The following GRIN2B variants were observed in gnomAD, a reference collection of about 807,000 sequenced individuals.
The protein encoded by GRIN2B is glutamate receptor ionotropic, NMDA 2B.
Under a neutral mutation model 114.5 loss-of-function variants are expected in GRIN2B, and 5 were observed. The ratio of observed to expected loss-of-function variants is 0.04; its 90% CI spans 0.02 to 0.09. GRIN2B has a LOEUF of 0.09. Ranked by LOEUF, GRIN2B falls within the 10% of genes least tolerant of loss-of-function variation. The pLI is 1.00. For synonymous variants in GRIN2B, 787 were observed against 745.1 expected (o/e 1.06, Z -0.92); for missense variants, 1,108 against 1,943.5 (o/e 0.57, Z 8.08).
At chr12:13,914,648 T>C (rs1449723742) in intron 2 of GRIN2B, among the ~76,000 whole-genome samples, 3 of 152,166 alleles carry the variant, frequency 2.0e-5, no homozygotes, top group Non-Finnish European at 4.4e-5. Context: ...TGATTCACAA[T>C]AGTCAAAATC....
At position 13,847,757 on chromosome 12, in the gene GRIN2B, G is replaced by A. The variant is rs1353519798; in HGVS notation, c.411+18041C>T. On this transcript the variant is annotated intron_variant, in intron 3 of 13. Transcript: ENST00000609686. ...GCCAAGAGGGGAAGAAACAAAGAAG[G>A]ATGCATGCACAGGCAGGCTGAGATG... 5.3e-5 allele frequency among the ~76,000 whole-genome samples: 8 copies of A among 152,118 alleles called. No homozygotes were observed. In the East Asian group the frequency reaches 1.5e-3, roughly 29 times the overall value.
chr12:13,574,396 T>C (rs1216580701), intron 10 of GRIN2B, among the ~76,000 whole-genome samples: 1 of 152,262 alleles, frequency 6.6e-6, no homozygotes, highest in African/African-American at 2.4e-5. Flanking sequence ...TTTTAATCAG[T>C]AATTCCCCAC....
At position 13,564,568 on chromosome 12, in the gene GRIN2B, G is replaced by A; in HGVS notation, c.2670C>T (p.Thr890=). Residue 890 remains threonine (T), a synonymous_variant, in exon 14 of 14, where the codon ACC becomes ACT. Coordinates refer to ENST00000609686, the MANE Select transcript of GRIN2B (RefSeq NM_000834.5). This position sits in a 1 kb window ranked among gnomAD's most constrained non-coding sequence, Gnocchi z 4.8. ...RQSVMNSPTA[T]MNNTHSNILR... is the part of the protein sequence containing the mutation. ...GGATGTTGGAGTGTGTGTTGTTCAT[G>A]GTTGCGGTGGGGGAGTTCATTACAG... is the stretch of plus-strand genomic sequence containing the variant. The A allele has an allele frequency of 1.2e-6, 2 of 1,614,098 alleles. No homozygotes were observed. Among genetic ancestry groups the A allele is most frequent in the Non-Finnish European group, 1.7e-6 (2 of 1,179,992 alleles).
At chr12:13,891,570 A>C (rs1206172762) in intron 2 of GRIN2B, among the ~76,000 whole-genome samples, 2 of 152,172 alleles carry the variant, frequency 1.3e-5, no homozygotes, top group African/African-American at 4.8e-5. Context: ...AATAAGTCTA[A>C]ATTTAAATGT....
In GRIN2B at chr12:13,537,666, C is replaced by T. The variant is rs1948228970; in HGVS notation, c.*25117G>A. 1 of 152,232 alleles carries T rather than the reference C, an allele frequency of 6.6e-6. No homozygotes were observed. Among genetic ancestry groups the T allele is most frequent in the South Asian group, 2.1e-4 (1 of 4,832 alleles). The allele number at this position is 152,232 out of a possible 1,614,324, so 9.4% of individuals were successfully genotyped here. ...ACATACATAGTGGTTCACATTCTGGCTGTATATTAAAATCACCTGGGCAAG... is the reference window on the plus strand; with the variant it reads ...ACATACATAGTGGTTCACATTCTGGTTGTATATTAAAATCACCTGGGCAAG... On this transcript the variant is annotated 3_prime_UTR_variant, in exon 14 of 14. Coordinates refer to ENST00000609686, the MANE Select transcript of GRIN2B (RefSeq NM_000834.5).
At chr12:13,779,173 A>G (rs1864060192) in intron 3 of GRIN2B, among the ~76,000 whole-genome samples, 1 of 152,136 alleles carries the variant, frequency 6.6e-6, no homozygotes, top group African/African-American at 2.4e-5. Flanking sequence ...CCTCCCAAGT[A>G]GCTGGGATTA....
At chr12:13,594,833 T>C (rs567033495) in intron 10 of GRIN2B, among the ~76,000 whole-genome samples, 2 of 151,918 alleles carry the variant, frequency 1.3e-5, no homozygotes, top group Non-Finnish European at 2.9e-5. Flanking sequence ...CAACTGAGAG[T>C]TGAAGTTGCA....
chr12:13,903,371 T>A (rs1040067953), intron 2 of GRIN2B, among the ~76,000 whole-genome samples: 3 of 152,134 alleles, frequency 2.0e-5, no homozygotes, highest in African/African-American at 7.2e-5. Context: ...AGACCATAAA[T>A]TTCTGTCTAA....
At chr12:13,926,813 T>C (rs219875) in intron 2 of GRIN2B, among the ~76,000 whole-genome samples, 131,098 of 152,112 alleles carry the variant, frequency 0.86, 56,606 homozygotes, top group East Asian at 0.99. Context: ...ATTAGCCGGG[T>C]ATGGTGGCAG....
chr12:13,662,154 G>A (rs976996348), intron 5 of GRIN2B, among the ~76,000 whole-genome samples: 5 of 152,108 alleles, frequency 3.3e-5, no homozygotes, highest in Non-Finnish European at 5.9e-5. Flanking sequence ...GAAAAATCAA[G>A]CATAAATATT....
intron 5 of GRIN2B, among the ~76,000 whole-genome samples, chr12:13,654,213 TATG>T (rs1223144658): frequency 6.6e-6 from 1 of 152,088 alleles, no homozygotes; most frequent in Non-Finnish European, 1.5e-5. Context: ...CTGGAATTAT[TATG>T]ATAAGAGGTG....
intron 5 of GRIN2B, among the ~76,000 whole-genome samples, chr12:13,648,405 T>C (rs1053266407): frequency 6.6e-6 from 1 of 151,920 alleles, no homozygotes; most frequent in African/African-American, 2.4e-5. Flanking sequence ...AATTAGCCTC[T>C]TTGGAGCAAG....
intron 4 of GRIN2B, among the ~76,000 whole-genome samples, chr12:13,710,479 C>G (rs547305403): frequency 1.3e-5 from 2 of 152,006 alleles, no homozygotes; most frequent in African/African-American, 2.4e-5. Context: ...TCTAGAAAAC[C>G]CCATCGTCTC....
At chr12:13,584,986 G>A (rs1473788267) in intron 10 of GRIN2B, among the ~76,000 whole-genome samples, 1 of 152,200 alleles carries the variant, frequency 6.6e-6, no homozygotes, top group Non-Finnish European at 1.5e-5. Context: ...TATAAAAGCT[G>A]TGGGTGCTAG....
intron 3 of GRIN2B, among the ~76,000 whole-genome samples, chr12:13,856,719 C>T (rs1348344205): frequency 6.6e-6 from 1 of 152,168 alleles, no homozygotes; most frequent in East Asian, 1.9e-4. Flanking sequence ...GGCCATCCCT[C>T]AAATGGTGGT....
chr12:13,726,725 G>GT (rs1177274732), intron 4 of GRIN2B, among the ~76,000 whole-genome samples: 2 of 151,446 alleles, frequency 1.3e-5, no homozygotes, highest in African/African-American at 4.9e-5. Flanking sequence ...ACATAAATAA[G>GT]TTATTTAGTA....
intron 4 of GRIN2B, among the ~76,000 whole-genome samples, chr12:13,723,700 G>A (rs1289612575): frequency 6.6e-6 from 1 of 152,070 alleles, no homozygotes; most frequent in Non-Finnish European, 1.5e-5. Flanking sequence ...CTTACCTGTG[G>A]TGGATTGGGA....
intron 4 of GRIN2B, among the ~76,000 whole-genome samples, chr12:13,678,678 G>A (rs1385653945): frequency 6.6e-6 from 1 of 152,064 alleles, no homozygotes; most frequent in Non-Finnish European, 1.5e-5. Context: ...TCTCAGCCCA[G>A]AGCGGCTCAC....
At chr12:13,639,367 G>C (rs961425213) in intron 5 of GRIN2B, among the ~76,000 whole-genome samples, 11 of 152,148 alleles carry the variant, frequency 7.2e-5, no homozygotes, top group African/African-American at 2.4e-4. Flanking sequence ...AGTGTTCATA[G>C]ACACTGAAGA....
Sources: allele counts gnomAD v4.1 joint callset (sites outside exome capture counted in the v4.1 genomes callset), GRCh38; gene constraint gnomAD v4.1.1; non-coding constraint Gnocchi (gnomAD v3.1); transcripts MANE v1.5; gene names NCBI Gene and HGNC (gene_info 2026-07-23, HGNC 2026-07-21).